Variants in LSAMP observed in about 807,000 individuals in gnomAD.
LSAMP encodes the protein limbic system-associated membrane protein.
Under a neutral mutation model 38.6 loss-of-function variants are expected in LSAMP, and 7 were observed. The ratio of observed to expected loss-of-function variants is 0.18; its 90% CI spans 0.10 to 0.34. LSAMP has a LOEUF of 0.34. LSAMP is among the 10% of genes least tolerant of loss of function. The pLI, the probability that LSAMP is intolerant of heterozygous loss-of-function variation, is 1.00. For synonymous variants in LSAMP, 154 were observed against 166.8 expected, an observed-to-expected ratio of 0.92 and a Z score of 0.59; for missense variants, 313 against 420.0, an observed-to-expected ratio of 0.75 and a Z score of 2.23.
intron 1 of LSAMP, among the ~76,000 whole-genome samples, chr3:116,294,636 A>G (rs1418791354): frequency 6.6e-6 from 1 of 152,226 alleles, no homozygotes; most frequent in African/African-American, 2.4e-5. Flanking sequence ...ATTAAAAGTA[A>G]CACACAACGT....
At chr3:116,293,790 T>C (rs1007429737) in intron 1 of LSAMP, among the ~76,000 whole-genome samples, 3 of 151,902 alleles carry the variant, frequency 2.0e-5, no homozygotes, top group Non-Finnish European at 2.9e-5. Flanking sequence ...AGATTCCGAG[T>C]TGGGGGTAAG....
chr3:115,961,193 G>T lies in LSAMP; in HGVS notation c.514+58322C>A, dbSNP rs376103664. On this transcript the variant is annotated intron_variant, in intron 3 of 6. Coordinates refer to ENST00000490035, the MANE Select transcript of LSAMP (RefSeq NM_002338.5). ...ACATTAAGCAACATTAAGCAAGCAG[G>T]GTTTTTCTCATAAGATCTTCTCATA... is the stretch of plus-strand genomic sequence containing the variant. 1.6e-4 allele frequency among the ~76,000 whole-genome samples: 24 copies of T among 152,236 alleles called. No homozygotes were observed. In the East Asian group the frequency reaches 3.5e-3, roughly 22 times the overall value.
intron 2 of LSAMP, among the ~76,000 whole-genome samples, chr3:116,029,772 T>C (rs1439699963): frequency 6.6e-6 from 1 of 152,124 alleles, no homozygotes; most frequent in Non-Finnish European, 1.5e-5. Context: ...GCTTCAGTTA[T>C]GTAGTCCTCC....
At chr3:116,003,368 A>T (rs1470252069) in intron 3 of LSAMP, among the ~76,000 whole-genome samples, 2 of 152,224 alleles carry the variant, frequency 1.3e-5, no homozygotes, top group African/African-American at 4.8e-5. Context: ...ATTATTTGAC[A>T]ATAAAGGCAA....
At chr3:116,014,483 A>C (rs1324939788) in intron 3 of LSAMP, among the ~76,000 whole-genome samples, 1 of 152,216 alleles carries the variant, frequency 6.6e-6, no homozygotes, top group Non-Finnish European at 1.5e-5. Context: ...ATAAAAAATA[A>C]AAATATTGAA....
intron 1 of LSAMP, among the ~76,000 whole-genome samples, chr3:116,391,496 G>A (rs2048696977): frequency 6.6e-6 from 1 of 152,182 alleles, no homozygotes; most frequent in Non-Finnish European, 1.5e-5. Flanking sequence ...GAGACTTCTG[G>A]AGCCCACCAC....
At chr3:116,157,612 C>T (rs541189399) in intron 1 of LSAMP, among the ~76,000 whole-genome samples, 1 of 152,048 alleles carries the variant, frequency 6.6e-6, no homozygotes, top group South Asian at 2.1e-4. Context: ...ATAAGATATA[C>T]TTAGGATATC....
chr3:116,209,155 C>T (rs2046115790), intron 1 of LSAMP, among the ~76,000 whole-genome samples: 1 of 152,144 alleles, frequency 6.6e-6, no homozygotes, highest in Admixed American at 6.5e-5. Context: ...TGGGAGTGAC[C>T]CGATTTTCCA....
chr3:116,349,680 T>C (rs1235377314), intron 1 of LSAMP, among the ~76,000 whole-genome samples: 1 of 151,726 alleles, frequency 6.6e-6, no homozygotes, highest in East Asian at 1.9e-4. Context: ...CACAAATAAA[T>C]GAATAAATAA....
At chr3:116,391,356 A>G (rs1322899325) in intron 1 of LSAMP, among the ~76,000 whole-genome samples, 2 of 150,556 alleles carry the variant, frequency 1.3e-5, no homozygotes, top group Non-Finnish European at 3.0e-5. Flanking sequence ...TTGTGCAGCC[A>G]GGCAGGACCC....
At chr3:116,270,031 C>CTAA (rs2046949095) in intron 1 of LSAMP, among the ~76,000 whole-genome samples, 1 of 152,146 alleles carries the variant, frequency 6.6e-6, no homozygotes, top group African/African-American at 2.4e-5. Flanking sequence ...TTCTAAAATT[C>CTAA]TAATCATCAA....
chr3:116,177,070 TAA>T (rs1185357569), intron 1 of LSAMP, among the ~76,000 whole-genome samples: 1 of 152,128 alleles, frequency 6.6e-6, no homozygotes, highest in Non-Finnish European at 1.5e-5. Context: ...GCTTTTCTTA[TAA>T]GAAACATCTT....
chr3:116,051,741 G>A (rs1348923685), intron 2 of LSAMP, among the ~76,000 whole-genome samples: 1 of 152,062 alleles, frequency 6.6e-6, no homozygotes, highest in Non-Finnish European at 1.5e-5. Context: ...TACTTTGGCT[G>A]CCCACCCAGA....
chr3:116,387,282 T>G (rs1483845423), intron 1 of LSAMP, among the ~76,000 whole-genome samples: 2 of 152,116 alleles, frequency 1.3e-5, no homozygotes, highest in Non-Finnish European at 2.9e-5. Context: ...TAAAGGTATA[T>G]GGACAGAAAA....
intron 1 of LSAMP, among the ~76,000 whole-genome samples, chr3:116,328,197 C>T (rs1424087217): frequency 6.6e-6 from 1 of 152,162 alleles, no homozygotes; most frequent in Non-Finnish European, 1.5e-5. Context: ...GGCAATAAAG[C>T]AACGCAACGT....
intron 3 of LSAMP, among the ~76,000 whole-genome samples, chr3:115,877,035 C>T (rs1936198974): frequency 1.3e-5 from 2 of 152,078 alleles, no homozygotes; most frequent in South Asian, 4.1e-4. Context: ...ACAATATTAC[C>T]GGAATAAGTA....
intron 1 of LSAMP, among the ~76,000 whole-genome samples, chr3:116,148,183 A>G (rs1709531012): frequency 6.7e-6 from 1 of 149,880 alleles, no homozygotes; most frequent in Non-Finnish European, 1.5e-5. Flanking sequence ...GGTTAGTTAA[A>G]ATAACAGCAA....
chr3:116,181,108 T>C (rs891565873), intron 1 of LSAMP, among the ~76,000 whole-genome samples: 1 of 152,046 alleles, frequency 6.6e-6, no homozygotes, highest in Non-Finnish European at 1.5e-5. Flanking sequence ...TAAGTACATA[T>C]AACATCCTTA....
intron 1 of LSAMP, among the ~76,000 whole-genome samples, chr3:116,271,841 C>T (rs1426218425): frequency 1.3e-5 from 2 of 151,908 alleles, no homozygotes; most frequent in South Asian, 2.1e-4. Flanking sequence ...TCTTGGGCTC[C>T]TTTCTGCTAT....
Sources: gnomAD v4.1 joint callset for allele counts (sites outside exome capture counted in the v4.1 genomes callset) on GRCh38, gnomAD v4.1.1 for gene constraint, MANE v1.5 for transcripts, NCBI Gene and HGNC (gene_info 2026-07-23, HGNC 2026-07-21) for gene names.